The following OLFM3 variants were observed in gnomAD, a reference collection of about 807,000 sequenced individuals.
OLFM3 encodes olfactomedin 3.
Under a neutral mutation model 48.6 loss-of-function variants are expected in OLFM3, and 20 were observed. The observed-to-expected ratio is 0.41, with a 90% CI of 0.29 to 0.60. OLFM3 has a LOEUF of 0.60. Among genes scored for constraint, OLFM3 ranks in the 20% least tolerant of loss-of-function variants. OLFM3 has a pLI of 0.28. For missense variants in OLFM3, 437 were observed against 544.3 expected (o/e 0.80, Z 1.96); for synonymous variants, 222 against 198.1 (o/e 1.12, Z -1.01).
At chr1:101,839,132 A>G (rs887857047) in intron 1 of OLFM3, among the ~76,000 whole-genome samples, 1 of 152,276 alleles carries the variant, frequency 6.6e-6, no homozygotes. Flanking sequence ...TATCTTTTGA[A>G]TGTCTTATTT....
Position 101,942,278 on chromosome 1 carries a change from A to T in OLFM3, c.69+54470T>A, listed in dbSNP as rs1283429348. Among the ~76,000 whole-genome samples the T allele has an allele frequency of 2.6e-5, 4 of 152,228 alleles. No individual in the cohort carries two copies. The South Asian group carries it at 8.3e-4, about 32-fold the overall frequency. On this transcript the variant is annotated intron_variant, in intron 1 of 5. Coordinates refer to ENST00000370103, the MANE Select transcript of OLFM3 (RefSeq NM_058170.4). ...ATTCAGGGATATGCTACATGTCTAAAGACCACAGAATGAAAAATCTAGGCT... is the reference window on the plus strand; with the variant it reads ...ATTCAGGGATATGCTACATGTCTAATGACCACAGAATGAAAAATCTAGGCT...
chr1:101,834,434 T>C (rs1445787750), intron 2 of OLFM3, among the ~76,000 whole-genome samples: 1 of 152,252 alleles, frequency 6.6e-6, no homozygotes. Context: ...ATCAATCTTT[T>C]TGGTTAAAAG....
intron 1 of OLFM3, among the ~76,000 whole-genome samples, chr1:101,956,103 T>TTTTTTTTTAAA (rs781231551): frequency 9.1e-5 from 13 of 143,356 alleles, no homozygotes; most frequent in South Asian, 4.6e-4. Context: ...TTTTTTTTTT[T>TTTTTTTTTAAA]AAAAAAAACC....
chr1:101,806,863 A>G (rs551076292), intron 4 of OLFM3, among the ~76,000 whole-genome samples: 20 of 151,936 alleles, frequency 1.3e-4, no homozygotes, highest in South Asian at 4.1e-4. Flanking sequence ...GAGATGTAAT[A>G]CGTGACAAAA....
intron 1 of OLFM3, among the ~76,000 whole-genome samples, chr1:101,947,252 C>T (rs1292976647): frequency 6.6e-6 from 1 of 152,122 alleles, no homozygotes; most frequent in Non-Finnish European, 1.5e-5. Flanking sequence ...TTTAAAGTTT[C>T]ACTCTATGAT....
intron 4 of OLFM3, 56 bp from the exon 5 acceptor site, chr1:101,806,238 G>T (rs1020427047): frequency 2.3e-6 from 3 of 1,297,700 alleles, no homozygotes; most frequent in Non-Finnish European, 3.4e-6. Context: ...ATTCCAATAC[G>T]CATACTCACA....
chr1:101,822,777 T>G (rs935759474), intron 4 of OLFM3, among the ~76,000 whole-genome samples: 1 of 152,072 alleles, frequency 6.6e-6, no homozygotes, highest in African/African-American at 2.4e-5. Flanking sequence ...TTTCTTAATA[T>G]AAAAAGAATC....
intron 1 of OLFM3, among the ~76,000 whole-genome samples, chr1:101,889,402 A>G (rs1657900787): frequency 1.3e-5 from 2 of 152,188 alleles, no homozygotes; most frequent in African/African-American, 4.8e-5. Flanking sequence ...TATTGAAAGG[A>G]CAGAAAGCGA....
At chr1:101,980,897 G>A (rs533489923) in intron 1 of OLFM3, among the ~76,000 whole-genome samples, 1 of 152,186 alleles carries the variant, frequency 6.6e-6, no homozygotes, top group South Asian at 2.1e-4. Flanking sequence ...GTCTTTCAAT[G>A]TATATGAAAG....
chr1:101,904,184 T>A (rs1658483286), intron 1 of OLFM3, among the ~76,000 whole-genome samples: 1 of 152,098 alleles, frequency 6.6e-6, no homozygotes, highest in Non-Finnish European at 1.5e-5. Context: ...TAACGCACTT[T>A]CTTGAAGAAA....
At chr1:101,984,236 A>T (rs1042584619) in intron 1 of OLFM3, among the ~76,000 whole-genome samples, 3 of 142,734 alleles carry the variant, frequency 2.1e-5, no homozygotes, top group African/African-American at 8.1e-5. Context: ...GACAAACGCA[A>T]GACTCTGTCT....
At chr1:101,881,979 T>A (rs1657545183) in intron 1 of OLFM3, among the ~76,000 whole-genome samples, 1 of 151,744 alleles carries the variant, frequency 6.6e-6, no homozygotes, top group Non-Finnish European at 1.5e-5. Flanking sequence ...AATCTACAGA[T>A]CTGTTTTGTA....
intron 1 of OLFM3, among the ~76,000 whole-genome samples, chr1:101,946,939 A>G (rs1469589901): frequency 1.3e-5 from 2 of 152,196 alleles, no homozygotes; most frequent in Admixed American, 1.3e-4. Context: ...ATAGTGAAGT[A>G]AAAAACAAAA....
At chr1:101,812,580 C>G in intron 4 of OLFM3, 2 of 985,512 alleles carry the variant, frequency 2.0e-6, no homozygotes, top group Non-Finnish European at 2.4e-6. Context: ...TGAGCCTTAT[C>G]TAATCGACAT....
chr1:101,854,480 G>A (rs1192281276), intron 1 of OLFM3, among the ~76,000 whole-genome samples: 1 of 151,932 alleles, frequency 6.6e-6, no homozygotes, highest in Non-Finnish European at 1.5e-5. Context: ...TACTTCAAAG[G>A]AGAAAAAATG....
intron 1 of OLFM3, among the ~76,000 whole-genome samples, chr1:101,911,937 GT>G (rs1658772506): frequency 1.3e-5 from 2 of 152,266 alleles, no homozygotes; most frequent in Admixed American, 1.3e-4. Flanking sequence ...TTATTTAATA[GT>G]TCAAGTTGCT....
intron 3 of OLFM3, among the ~76,000 whole-genome samples, chr1:101,830,263 T>C (rs1655083864): frequency 6.6e-6 from 1 of 152,144 alleles, no homozygotes; most frequent in African/African-American, 2.4e-5. Flanking sequence ...TCTAGAAAAA[T>C]ACTTTATTTG....
rs570647562 is a variant in OLFM3 at position 101,803,361 on chromosome 1, A to G, written c.*877T>C. The G allele has an allele frequency of 6.6e-6, 1 of 152,212 alleles. No individual in the cohort carries two copies. The highest frequency in any genetic ancestry group is 6.6e-5 in the Admixed American group (1 of 15,208). 9.4% of individuals were successfully genotyped at this position (152,212 alleles called of 1,614,324 possible). On this transcript the variant is annotated 3_prime_UTR_variant, in exon 6 of 6. Transcript: ENST00000370103. ...GAATCCAGATGCACCTTGTGCAAGA[A>G]ACTATATGGGTTGCATTCAGTGGAG...
intron 1 of OLFM3, among the ~76,000 whole-genome samples, chr1:101,940,430 T>A (rs908850889): frequency 9.9e-5 from 15 of 151,864 alleles, no homozygotes; most frequent in Non-Finnish European, 2.2e-4. Flanking sequence ...CTTGATTTTT[T>A]AAAATTTTTA....
Sources: gnomAD v4.1 joint callset for allele counts (sites outside exome capture counted in the v4.1 genomes callset) on GRCh38, gnomAD v4.1.1 for gene constraint, MANE v1.5 for transcripts, NCBI Gene and HGNC (gene_info 2026-07-23, HGNC 2026-07-21) for gene names.